The following MAP4 variants were observed in gnomAD, a reference collection of about 807,000 sequenced individuals.
MAP4 encodes microtubule associated protein 4, also known as microtubule-associated protein 4.
MAP4 carries 76 observed loss-of-function variants against 170.2 expected under a neutral mutation model. That is an observed-to-expected ratio of 0.45 (90% CI 0.37 to 0.54). The LOEUF (loss-of-function observed/expected upper bound fraction) is 0.54. Ranked by LOEUF, MAP4 falls within the 20% of genes least tolerant of loss-of-function variation. MAP4 has a pLI of 0.00. For synonymous variants in MAP4, 909 were observed against 994.5 expected, an observed-to-expected ratio of 0.91 and a Z score of 1.62; for missense variants, 2,506 against 2,748.0, an observed-to-expected ratio of 0.91 and a Z score of 1.97.
intron 3 of MAP4, among the ~76,000 whole-genome samples, chr3:47,942,989 C>T (rs2100057470): frequency 3.3e-5 from 5 of 152,094 alleles, no homozygotes; most frequent in Admixed American, 3.3e-4. Context: ...TAGTGCACAC[C>T]TGTCGTCCCA....
intron 4 of MAP4, among the ~76,000 whole-genome samples, chr3:47,923,759 G>A (rs967561346): frequency 3.9e-5 from 6 of 152,098 alleles, no homozygotes; most frequent in Non-Finnish European, 7.4e-5. Flanking sequence ...TGAGTCTGTG[G>A]TGAGCCGTGG....
chr3:47,912,338 G>A lies in MAP4; in HGVS notation c.2083C>T (p.Pro695Ser), dbSNP rs1229018080. ...PSDRRSTRPKPARVPPELLGG... is the reference protein window; with the variant it reads ...PSDRRSTRPKSARVPPELLGG... ...AGCAGCTCAGGAGGGACCCTGGCAG[G>A]CTTGGGCCGGGTTGACCTGCGGTCA... The change falls in exon 9 of 21, where the codon CCT (proline) becomes TCT (serine). Residue 695 changes from proline (P) to serine (S), a missense_variant. Physicochemically the swap from Pro to Ser is moderately conservative, Grantham distance 74. Around this residue, in one of 3 missense-constraint regions of MAP4, gnomAD observed 2,008 missense variants for 2,206.0 expected, o/e 0.91. Coordinates refer to ENST00000683076, the MANE Select transcript of MAP4 (RefSeq NM_001385682.1). 2.0e-6 allele frequency: 3 copies of A among 1,535,968 alleles called. No homozygotes were observed. The highest frequency in any genetic ancestry group is 1.7e-4 in the Middle Eastern group (1 of 6,012).
In MAP4 at chr3:47,852,732, A is replaced by G. The variant is rs112386343; in HGVS notation, c.*202T>C. On this transcript the variant is annotated 3_prime_UTR_variant, in exon 21 of 21. Transcript: ENST00000683076. ...GGGCTGCTGCTGCCCCGGGCACGCA[A>G]AGCAGGAGGGAAGGCGAGCCTAGCG... 1.4e-5 allele frequency: 21 copies of G among 1,528,866 alleles called. No individual in the cohort carries two copies. In the African/African-American group the frequency reaches 1.9e-4, roughly 14 times the overall value. 94.7% of individuals were successfully genotyped at this position (1,528,866 alleles called of 1,614,324 possible).
intron 16 of MAP4, 71 bp from the exon 17 acceptor site, chr3:47,867,409 G>A: frequency 1.0e-6 from 1 of 975,122 alleles, no homozygotes; most frequent in Non-Finnish European, 1.7e-6. Flanking sequence ...AGGGAAGGCA[G>A]TGAGTCCACA....
In MAP4 at chr3:47,992,584, C is replaced by T. The variant is rs150976766; in HGVS notation, c.223+6054G>A. On this transcript the variant is annotated intron_variant, in intron 2 of 20. Transcript: ENST00000683076. ...CTCGGACTACAGGCGCACACTACCA[C>T]GCCCAGCTATAATTATAAACTTTAA... Among the ~76,000 whole-genome samples, 421 of 152,082 alleles carry T rather than the reference C, an allele frequency of 2.8e-3. 6 individuals are homozygous for T. The highest frequency in any genetic ancestry group is 9.8e-3 in the African/African-American group (407 of 41,470).
chr3:47,870,100 G>A (rs1384319420), intron 15 of MAP4, among the ~76,000 whole-genome samples: 3 of 151,518 alleles, frequency 2.0e-5, no homozygotes, highest in African/African-American at 7.3e-5. Flanking sequence ...GAATGACCTA[G>A]GAGATGAGAT....
chr3:47,975,576 C>G, intron 3 of MAP4: 1 of 752,762 alleles, frequency 1.3e-6, no homozygotes, highest in Middle Eastern at 3.0e-4. Context: ...TGCTCATAAA[C>G]CAAAGCTATT....
At chr3:47,885,730 CTTT>C (rs1163508790) in intron 10 of MAP4, among the ~76,000 whole-genome samples, 9 of 138,442 alleles carry the variant, frequency 6.5e-5, no homozygotes, top group Admixed American at 7.3e-5. Context: ...CGCCTTTGTT[CTTT>C]TTTTTTTTTT....
intron 10 of MAP4, among the ~76,000 whole-genome samples, chr3:47,896,267 C>T (rs145981955): frequency 3.9e-5 from 6 of 152,160 alleles, no homozygotes; most frequent in Admixed American, 6.5e-5. Flanking sequence ...CGGTGGCTCA[C>T]GCCTGTAATC....
intron 2 of MAP4, among the ~76,000 whole-genome samples, chr3:47,996,886 C>T (rs2100096027): frequency 6.6e-6 from 1 of 151,900 alleles, no homozygotes; most frequent in Non-Finnish European, 1.5e-5. Flanking sequence ...CATAGGTGAA[C>T]AGATGGGAAA....
intron 3 of MAP4, 71 bp from the exon 4 acceptor site, chr3:47,928,421 A>G: frequency 6.9e-7 from 1 of 1,443,648 alleles, no homozygotes; most frequent in Non-Finnish European, 9.7e-7. Context: ...TGGAATTTCT[A>G]CAAAGTATTA....
intron 8 of MAP4, among the ~76,000 whole-genome samples, chr3:47,913,439 G>A (rs1432398978): frequency 1.3e-5 from 2 of 152,108 alleles, no homozygotes; most frequent in African/African-American, 4.8e-5. Context: ...GTATCCCCCA[G>A]TATTTATAAC....
chr3:47,923,200 T>C (rs1404995360), intron 4 of MAP4, among the ~76,000 whole-genome samples: 1 of 152,078 alleles, frequency 6.6e-6, no homozygotes, highest in Non-Finnish European at 1.5e-5. Context: ...CATTTCCAAC[T>C]AGTTCCTGAG....
At chr3:47,869,592 C>A (rs1463032688) in intron 15 of MAP4, among the ~76,000 whole-genome samples, 3 of 152,066 alleles carry the variant, frequency 2.0e-5, no homozygotes, top group Non-Finnish European at 4.4e-5. Flanking sequence ...GAAGAAAAGG[C>A]ACAAAGGAAG....
intron 3 of MAP4, among the ~76,000 whole-genome samples, chr3:47,937,141 C>T (rs1480484739): frequency 1.3e-5 from 2 of 151,946 alleles, no homozygotes; most frequent in Non-Finnish European, 2.9e-5. Flanking sequence ...TTCTGAAGCC[C>T]ATTTTAATTT....
chr3:47,863,937 T>TGTGTGTGTGTGTGTGG lies in MAP4; in HGVS notation c.6501+3308_6501+3309insCCACACACACACACAC, dbSNP rs374208589. On this transcript the variant is annotated intron_variant, in intron 17 of 20. Transcript: ENST00000683076. The stretch of plus-strand genomic sequence containing the variant: ...GTGGGTGTGGGTGTGTGTGTGTGTG[T>TGTGTGTGTGTGTGTGG]GGGGAGTGGTGGGGGGTGTAATGCT... Among the ~76,000 whole-genome samples the TGTGTGTGTGTGTGTGG allele has an allele frequency of 4.6e-4, 64 of 138,476 alleles. 2 individuals carry two copies. Among genetic ancestry groups the TGTGTGTGTGTGTGTGG allele is most frequent in the African/African-American group, 1.7e-3 (62 of 36,678 alleles). The allele number at this position is 138,476 out of a possible 152,430, so 90.8% of individuals were successfully genotyped here.
rs867865295 is a variant in MAP4 at position 48,074,225 on chromosome 3, G to A, written c.-20+14548C>T. 4.1e-5 allele frequency among the ~76,000 whole-genome samples: 6 copies of A among 146,368 alleles called. No homozygotes were observed. The East Asian group carries it at 6.1e-4, about 15-fold the overall frequency. On this transcript the variant is annotated intron_variant, in intron 1 of 18. Transcript: ENST00000360240. ...TCACAAGGACAGAAAACCAAACACC[G>A]CATGTTCTCACTCATAGGTGGGAAT...
intron 17 of MAP4, among the ~76,000 whole-genome samples, chr3:47,861,393 G>A (rs1249956478): frequency 2.1e-5 from 3 of 142,152 alleles, no homozygotes; most frequent in East Asian, 2.0e-4. Context: ...TCACTTTGTC[G>A]CCAGGCTGGA....
chr3:48,066,621 G>A (rs1281355230), intron 1 of MAP4, among the ~76,000 whole-genome samples: 2 of 151,952 alleles, frequency 1.3e-5, no homozygotes, highest in Non-Finnish European at 2.9e-5. Flanking sequence ...AACCTCCTAA[G>A]TAGCTGGGAT....
Sources: gnomAD v4.1 joint callset for allele counts (sites outside exome capture counted in the v4.1 genomes callset) on GRCh38, gnomAD v4.1.1 for gene constraint, gnomAD v4.1.1 regional missense constraint, MANE v1.5 for transcripts, NCBI Gene and HGNC (gene_info 2026-07-23, HGNC 2026-07-21) for gene names.